LRP6: variants seen among roughly 807,000 people sequenced by gnomAD.
The protein encoded by LRP6 is LDL receptor related protein 6.
Under a neutral mutation model 184.1 loss-of-function variants are expected in LRP6, and 43 were observed. The ratio of observed to expected loss-of-function variants is 0.23; its 90% CI spans 0.18 to 0.30. The LOEUF is 0.30. Among genes scored for constraint, LRP6 ranks in the 10% least tolerant of loss-of-function variants. The probability of loss-of-function intolerance (pLI) is 1.00; values close to 1 mark genes in which losing one functional copy is unlikely to be tolerated. For synonymous variants in LRP6, 719 were observed against 684.9 expected (o/e 1.05, Z -0.78); for missense variants, 1,571 against 2,005.3 (o/e 0.78, Z 4.14).
intron 2 of LRP6, among the ~76,000 whole-genome samples, chr12:12,209,378 T>C (rs2137056345): frequency 6.6e-6 from 1 of 152,354 alleles, no homozygotes; most frequent in Non-Finnish European, 1.5e-5. Flanking sequence ...GTACCAAAGC[T>C]AATGGATAAT....
intron 7 of LRP6, among the ~76,000 whole-genome samples, chr12:12,171,030 T>C (rs7314166): frequency 1 from 151,906 of 152,222 alleles, 75,796 homozygotes; most frequent in Middle Eastern, 1. Context: ...TTAGCCCTCC[T>C]GCTTAAGACA....
intron 3 of LRP6, among the ~76,000 whole-genome samples, chr12:12,193,117 T>G (rs1863659468): frequency 1.3e-5 from 2 of 152,008 alleles, no homozygotes. Context: ...ATTTTCTAAA[T>G]TTTTGAAATT....
intron 1 of LRP6, among the ~76,000 whole-genome samples, chr12:12,256,037 A>C (rs1865456161): frequency 6.6e-6 from 1 of 152,230 alleles, no homozygotes; most frequent in African/African-American, 2.4e-5. Context: ...TCCTGCACGT[A>C]AAATTACTGT....
At chr12:12,185,620 A>G (rs79270474) in intron 4 of LRP6, among the ~76,000 whole-genome samples, 4,421 of 152,224 alleles carry the variant, frequency 0.029, 93 homozygotes, top group Non-Finnish European at 0.04. Context: ...TTTTAAACCT[A>G]ATTCCAGTCC....
At chr12:12,168,838 T>G (rs1019684371) in intron 7 of LRP6, among the ~76,000 whole-genome samples, 5 of 151,096 alleles carry the variant, frequency 3.3e-5, no homozygotes, top group Non-Finnish European at 5.9e-5. Context: ...TGTCTTTTTG[T>G]TTTTTTTTAA....
chr12:12,134,960 AG>A (rs1311440042), intron 17 of LRP6, among the ~76,000 whole-genome samples: 1 of 152,200 alleles, frequency 6.6e-6, no homozygotes, highest in Non-Finnish European at 1.5e-5. Context: ...AGTGTAAAAA[AG>A]TCAAAGAAAC....
At chr12:12,258,451 T>A (rs999915643) in intron 1 of LRP6, among the ~76,000 whole-genome samples, 1 of 152,220 alleles carries the variant, frequency 6.6e-6, no homozygotes, top group Non-Finnish European at 1.5e-5. Context: ...CTATAGCTAA[T>A]GAACGATTGA....
At chr12:12,166,002 C>G (rs574894628) in intron 7 of LRP6, among the ~76,000 whole-genome samples, 17 of 152,324 alleles carry the variant, frequency 1.1e-4, no homozygotes, top group African/African-American at 4.1e-4. Flanking sequence ...ACTGTATTCA[C>G]AGTGCATTCA....
rs559885742 is a variant in LRP6, at chr12:12,177,093, ACCTCGGCCTCCC to A, written c.1545+2705_1545+2716del. ...GAACTCCTGACCTCATGATCCACCC[ACCTCGGCCTCCC>A]AAAGTACTGGGATTACAGGTGTGAG... On this transcript the variant is annotated intron_variant, in intron 7 of 22. Coordinates refer to ENST00000261349, the MANE Select transcript of LRP6 (RefSeq NM_002336.3). 4.0e-4 allele frequency among the ~76,000 whole-genome samples: 60 copies of A among 151,886 alleles called. No individual in the cohort carries two copies. The East Asian group carries it at 8.1e-3, about 21-fold the overall frequency.
At chr12:12,157,546 T>C (rs1486498657) in intron 12 of LRP6, among the ~76,000 whole-genome samples, 1 of 152,198 alleles carries the variant, frequency 6.6e-6, no homozygotes, top group Non-Finnish European at 1.5e-5. Context: ...AAAGCTAATG[T>C]GTGGCAGAGA....
intron 2 of LRP6, among the ~76,000 whole-genome samples, chr12:12,221,913 G>C (rs1480775818): frequency 2.6e-5 from 4 of 152,188 alleles, no homozygotes; most frequent in Non-Finnish European, 5.9e-5. Flanking sequence ...TCAGAGAACA[G>C]AGTAAAATAT....
At chr12:12,253,557 A>G (rs1464943319) in intron 1 of LRP6, among the ~76,000 whole-genome samples, 3 of 149,698 alleles carry the variant, frequency 2.0e-5, no homozygotes, top group Non-Finnish European at 4.5e-5. Flanking sequence ...TGTATCTCCT[A>G]ATGCTACCCC....
chr12:12,157,965 A>G (rs1159250955), intron 12 of LRP6, among the ~76,000 whole-genome samples: 2 of 152,138 alleles, frequency 1.3e-5, no homozygotes, highest in Non-Finnish European at 2.9e-5. Flanking sequence ...AAATCAGGAG[A>G]TGAGGGAGTC....
intron 1 of LRP6, among the ~76,000 whole-genome samples, chr12:12,266,468 G>T (rs867620732): frequency 1.8e-4 from 27 of 152,248 alleles, no homozygotes; most frequent in Middle Eastern, 3.4e-3. Context: ...GTCCGGGGAA[G>T]GTCTGGGAAG....
chr12:12,122,786 T>A lies in LRP6; in HGVS notation c.4548-1366A>T, dbSNP rs1302285782. ...GGTGGAGACTGCAGTAAGCTGTGATTGTGCCCCTGCACTCCAGCCTGGGTG... is the reference window on the plus strand; with the variant it reads ...GGTGGAGACTGCAGTAAGCTGTGATAGTGCCCCTGCACTCCAGCCTGGGTG... On this transcript the variant is annotated intron_variant, in intron 22 of 22. Transcript: ENST00000261349. Among the ~76,000 whole-genome samples, 4 of 152,066 alleles carry A rather than the reference T, an allele frequency of 2.6e-5. No individual in the cohort carries two copies. The South Asian group carries it at 8.3e-4, about 32-fold the overall frequency.
At chr12:12,164,139 A>AC (rs1203632443) in intron 9 of LRP6, 134 bp downstream of exon 9, 5 of 816,408 alleles carry the variant, frequency 6.1e-6, no homozygotes, top group Non-Finnish European at 9.5e-6. Flanking sequence ...AAAAAAAAAA[A>AC]AAAAAACTTG....
At chr12:12,122,845 A>G (rs1034965112) in intron 22 of LRP6, among the ~76,000 whole-genome samples, 11 of 151,342 alleles carry the variant, frequency 7.3e-5, no homozygotes, top group African/African-American at 2.7e-4. Context: ...AAAAATAAAA[A>G]TAAAAATAAA....
chr12:12,258,700 T>C (rs1865534300), intron 1 of LRP6, among the ~76,000 whole-genome samples: 2 of 152,232 alleles, frequency 1.3e-5, no homozygotes, highest in South Asian at 2.1e-4. Context: ...TTCATGGTAA[T>C]GAAGTTCACT....
At chr12:12,167,495 T>C (rs190195942) in intron 7 of LRP6, among the ~76,000 whole-genome samples, 197 of 152,092 alleles carry the variant, frequency 1.3e-3, no homozygotes, top group Non-Finnish European at 2.3e-3. Flanking sequence ...TACAAAAAAT[T>C]TGCTGGGCGT....
Sources: gnomAD v4.1 joint callset for allele counts (sites outside exome capture counted in the v4.1 genomes callset) on GRCh38, gnomAD v4.1.1 for gene constraint, MANE v1.5 for transcripts, NCBI Gene and HGNC (gene_info 2026-07-23, HGNC 2026-07-21) for gene names.